Variants in CHD6 observed in about 807,000 individuals in gnomAD.
The protein encoded by CHD6 is ATP-dependent chromatin remodeler CHD6.
Under a neutral mutation model 276.9 loss-of-function variants are expected in CHD6, and 50 were observed. The observed-to-expected ratio is 0.18, with a 90% CI of 0.14 to 0.23. The LOEUF (loss-of-function observed/expected upper bound fraction) is 0.23, where lower values mean the gene tolerates loss of function less well. CHD6 is among the 10% of genes least tolerant of loss of function. CHD6 has a pLI of 1.00. For missense variants in CHD6, 2,564 were observed against 3,365.8 expected (o/e 0.76, Z 5.89); for synonymous variants, 1,173 against 1,229.3 (o/e 0.95, Z 0.96).
intron 31 of CHD6, among the ~76,000 whole-genome samples, chr20:41,419,380 G>C (rs1233812466): frequency 1.3e-5 from 2 of 151,502 alleles, no homozygotes; most frequent in East Asian, 3.9e-4. Context: ...AGAAGTTCAA[G>C]ACCAGCCTGG....
chr20:41,430,478 A>G (rs559542937), intron 27 of CHD6, among the ~76,000 whole-genome samples: 97 of 152,298 alleles, frequency 6.4e-4, no homozygotes, highest in Middle Eastern at 6.8e-3. Flanking sequence ...GCTGGGAGGA[A>G]GGGGCATAAA....
At chr20:41,571,853 A>G (rs1732159225) in intron 1 of CHD6, among the ~76,000 whole-genome samples, 1 of 152,222 alleles carries the variant, frequency 6.6e-6, no homozygotes. Context: ...AGCTCTTCAC[A>G]AACTGCACAC....
intron 17 of CHD6, among the ~76,000 whole-genome samples, chr20:41,470,956 A>C (rs1569113936): frequency 1.3e-5 from 2 of 152,194 alleles, no homozygotes; most frequent in Non-Finnish European, 2.9e-5. Context: ...TGGCCATTCA[A>C]CTTTGGTTTC....
intron 1 of CHD6, among the ~76,000 whole-genome samples, chr20:41,613,368 C>A (rs2045906917): frequency 6.6e-6 from 1 of 152,240 alleles, no homozygotes; most frequent in African/African-American, 2.4e-5. Flanking sequence ...GCCATGGCCT[C>A]CCCTCTAGTC....
At chr20:41,587,935 A>G (rs966153451) in intron 1 of CHD6, among the ~76,000 whole-genome samples, 1 of 152,166 alleles carries the variant, frequency 6.6e-6, no homozygotes, top group African/African-American at 2.4e-5. Context: ...AAACGCTGAG[A>G]AGTCATGAAA....
chr20:41,410,410 CTG>C (rs2046807916), intron 36 of CHD6, among the ~76,000 whole-genome samples: 1 of 152,156 alleles, frequency 6.6e-6, no homozygotes, highest in African/African-American at 2.4e-5. Context: ...GTCTCCAGAA[CTG>C]TGAGAAATAA....
At chr20:41,502,694 A>G (rs2043863700) in intron 5 of CHD6, among the ~76,000 whole-genome samples, 1 of 152,218 alleles carries the variant, frequency 6.6e-6, no homozygotes, top group Non-Finnish European at 1.5e-5. Flanking sequence ...TGAATTATAG[A>G]CATCTTAGCA....
At position 41,559,729 on chromosome 20, in the gene CHD6, C is replaced by T. The variant is rs377127339; in HGVS notation, c.-23-8369G>A. 8.3e-4 allele frequency among the ~76,000 whole-genome samples: 126 copies of T among 152,290 alleles called. 1 individual carries two copies. The highest frequency in any genetic ancestry group is 2.9e-3 in the African/African-American group (121 of 41,558). ...TCATCTCTTTGCACAATGACCACTG[C>T]ACATTTGCAAATCCAAGCCCTCCTC... is the stretch of plus-strand genomic sequence containing the variant. On this transcript the variant is annotated intron_variant, in intron 1 of 36. Transcript: ENST00000373233.
chr20:41,415,259 C>G lies in CHD6; in HGVS notation c.6866G>C (p.Gly2289Ala). 1.2e-6 allele frequency: 2 copies of G among 1,614,176 alleles called. No homozygotes were observed. The highest frequency in any genetic ancestry group is 8.5e-7 in the Non-Finnish European group (1 of 1,180,036). The part of the protein sequence containing the change: ...RDDAATRRRR[G>A]RRKHVEGGMD... ...CCCTCCTTCAACATGTTTCCGCCTC[C>G]CTCTCCGCCTCCTCGTGGCTGCATC... Residue 2289 changes from glycine (G) to alanine (A), a missense_variant, in exon 34 of 37, where the codon GGG becomes GCG. Gly to Ala is a moderately conservative substitution (Grantham distance 60, BLOSUM62 0). This residue lies in a region of CHD6 where 1,024 missense variants were observed against 1,047.9 expected (regional missense o/e 0.98). Transcript: ENST00000373233.
intron 17 of CHD6, among the ~76,000 whole-genome samples, chr20:41,464,645 G>A (rs1350710199): frequency 6.6e-6 from 1 of 152,184 alleles, no homozygotes; most frequent in Non-Finnish European, 1.5e-5. Flanking sequence ...TGTGGTATGA[G>A]TGCTTGCTTA....
chr20:41,471,198 C>T (rs561184634), intron 17 of CHD6, among the ~76,000 whole-genome samples: 52 of 152,318 alleles, frequency 3.4e-4, no homozygotes, highest in African/African-American at 1.1e-3. Flanking sequence ...TACTTACAAA[C>T]GGGTGTGATT....
rs2047027212 is a variant in CHD6, at chr20:41,417,222, G to A, written c.6255C>T (p.Leu2085=). The part of the protein sequence containing the change: ...TIAQLLQEKT[L]YSFSEWPKDR... Reference sequence around the variant, plus strand: ...CCTTTGGCCACTCAGAGAAGGAATAGAGAGTTTTCTCCTGTAGCAGCTGAG... The same window carrying A: ...CCTTTGGCCACTCAGAGAAGGAATAAAGAGTTTTCTCCTGTAGCAGCTGAG... Residue 2085 remains leucine, a synonymous_variant, in exon 32 of 37, where the codon CTC becomes CTT. Coordinates refer to ENST00000373233, the MANE Select transcript of CHD6 (RefSeq NM_032221.5). 6.2e-7 allele frequency: 1 copy of A among 1,613,924 alleles called. No homozygotes were observed. Among genetic ancestry groups the A allele is most frequent in the African/African-American group, 1.3e-5 (1 of 74,934 alleles).
intron 1 of CHD6, among the ~76,000 whole-genome samples, chr20:41,590,236 T>C (rs2045642675): frequency 6.6e-6 from 1 of 152,182 alleles, no homozygotes; most frequent in African/African-American, 2.4e-5. Context: ...AAGACTTACA[T>C]GTTAGACCTA....
At chr20:41,427,796 T>C (rs549221677) in intron 27 of CHD6, among the ~76,000 whole-genome samples, 1 of 152,352 alleles carries the variant, frequency 6.6e-6, no homozygotes, top group East Asian at 1.9e-4. Context: ...CATTTTATCT[T>C]ATACTACTAT....
At chr20:41,545,102 A>G (rs966936410) in intron 2 of CHD6, among the ~76,000 whole-genome samples, 2 of 152,270 alleles carry the variant, frequency 1.3e-5, no homozygotes, top group East Asian at 3.9e-4. Context: ...GTCCTTCTTT[A>G]TATGAAGCCT....
Position 41,503,526 on chromosome 20 carries a change from T to C in CHD6, c.853-4169A>G, listed in dbSNP as rs573227467. 7.2e-5 allele frequency among the ~76,000 whole-genome samples: 11 copies of C among 152,348 alleles called. No homozygotes were observed. In the East Asian group the frequency reaches 2.1e-3, roughly 29 times the overall value. ...CTCAAATTCAGGAGAATGCATTCAA[T>C]ATTGTACTACTTAATACAATATTAT... is the stretch of plus-strand genomic sequence containing the variant. On this transcript the variant is annotated intron_variant, in intron 5 of 36. Transcript: ENST00000373233.
intron 29 of CHD6, 34 bp from the exon 30 acceptor site, chr20:41,423,734 TTTC>T: frequency 5.8e-6 from 9 of 1,548,020 alleles, no homozygotes; most frequent in Non-Finnish European, 8.0e-6. Flanking sequence ...GAGTGAGCTC[TTTC>T]TTCTTTTTTT....
At chr20:41,532,817 T>C (rs1237202463) in intron 3 of CHD6, among the ~76,000 whole-genome samples, 10 of 152,232 alleles carry the variant, frequency 6.6e-5, no homozygotes, top group South Asian at 6.2e-4. Context: ...CAAATGTCGT[T>C]TTTGAAATAC....
intron 1 of CHD6, among the ~76,000 whole-genome samples, chr20:41,581,291 T>C (rs2045536517): frequency 6.6e-6 from 1 of 152,170 alleles, no homozygotes; most frequent in Admixed American, 6.5e-5. Flanking sequence ...ACAGATCTAA[T>C]AAGTAGCTAA....
Sources: gnomAD v4.1 joint callset for allele counts (sites outside exome capture counted in the v4.1 genomes callset) on GRCh38, gnomAD v4.1.1 for gene constraint, gnomAD v4.1.1 regional missense constraint, MANE v1.5 for transcripts, NCBI Gene and HGNC (gene_info 2026-07-23, HGNC 2026-07-21) for gene names.